Variants in SLC25A24 observed in about 807,000 individuals in gnomAD.
SLC25A24 encodes the protein mitochondrial adenyl nucleotide antiporter SLC25A24.
SLC25A24 carries 49 observed loss-of-function variants against 60.7 expected under a neutral mutation model. That is an observed-to-expected ratio of 0.81 (90% CI 0.64 to 1.02). SLC25A24 has a LOEUF of 1.02. Ranked by LOEUF, SLC25A24 falls within the 50% of genes least tolerant of loss-of-function variation. The pLI, the probability that SLC25A24 is intolerant of heterozygous loss-of-function variation, is 0.00. For missense variants in SLC25A24, 564 were observed against 586.3 expected (o/e 0.96, Z 0.39); for synonymous variants, 202 against 200.6 (o/e 1.01, Z -0.06).
In SLC25A24 at chr1:108,192,623, G is replaced by A. The variant is rs747780108; in HGVS notation, c.184-6669C>T. ...GAGATCTCCGTAGAGGGAGTCCATC[G>A]AGGATGTCTCCCTCGCAGCTCCGCG... On this transcript the variant is annotated intron_variant, in intron 1 of 9. Coordinates refer to ENST00000565488, the MANE Select transcript of SLC25A24 (RefSeq NM_013386.5). 3 of 1,494,744 alleles carry A rather than the reference G, an allele frequency of 2.0e-6. 1 individual carries two copies. Among genetic ancestry groups the A allele is most frequent in the Non-Finnish European group, 2.7e-6 (3 of 1,111,530 alleles). The allele number at this position is 1,494,744 out of a possible 1,614,324, so 92.6% of individuals were successfully genotyped here.
chr1:108,147,254 G>A (rs557970336), intron 7 of SLC25A24, among the ~76,000 whole-genome samples: 2 of 152,194 alleles, frequency 1.3e-5, no homozygotes, highest in African/African-American at 4.8e-5. Context: ...TGGGATTGGT[G>A]GTGATATCCC....
At chr1:108,158,625 T>C (rs546008670) in intron 4 of SLC25A24, among the ~76,000 whole-genome samples, 220 of 151,142 alleles carry the variant, frequency 1.5e-3, no homozygotes, top group African/African-American at 5.2e-3. Context: ...TTGTTACTAG[T>C]GGCAATGTGA....
At chr1:108,157,672 G>GATTATCTTCTCT in intron 4 of SLC25A24, 52 bp from the exon 5 acceptor site, 1 of 1,569,982 alleles carries the variant, frequency 6.4e-7, no homozygotes, top group Non-Finnish European at 8.7e-7. Context: ...AATAATCCCA[G>GATTATCTTCTCT]AAGACGTTTT....
At chr1:108,188,448 T>C (rs764681445) in intron 1 of SLC25A24, among the ~76,000 whole-genome samples, 12 of 152,332 alleles carry the variant, frequency 7.9e-5, no homozygotes, top group Non-Finnish European at 1.8e-4. Context: ...TAGTGTGTTA[T>C]AACTGCCTAC....
intron 6 of SLC25A24, among the ~76,000 whole-genome samples, chr1:108,152,146 A>G (rs146509534): frequency 6.6e-6 from 1 of 152,298 alleles, no homozygotes; most frequent in Non-Finnish European, 1.5e-5. Context: ...ATGCTACAAT[A>G]GCCCCTACCA....
intron 9 of SLC25A24, 86 bp downstream of exon 9, chr1:108,138,972 T>A: frequency 7.6e-7 from 1 of 1,308,036 alleles, no homozygotes; most frequent in Non-Finnish European, 1.0e-6. Flanking sequence ...AAAACTACAG[T>A]CTGCATCTTA....
chr1:108,198,970 G>T (rs897904709), intron 1 of SLC25A24: 1 of 152,196 alleles, frequency 6.6e-6, no homozygotes, highest in Non-Finnish European at 1.5e-5. Context: ...TGGCAAGATT[G>T]AAGGGGAGAA....
At chr1:108,160,698 A>G (rs1044378857) in intron 4 of SLC25A24, among the ~76,000 whole-genome samples, 3 of 152,192 alleles carry the variant, frequency 2.0e-5, no homozygotes, top group Non-Finnish European at 4.4e-5. Context: ...CTGCAATCCC[A>G]GCACCTCGGG....
In SLC25A24 at chr1:108,143,619, C is replaced by T. The variant is rs151069768; in HGVS notation, c.1022G>A (p.Gly341Glu). 99 of 1,613,546 alleles carry T rather than the reference C, an allele frequency of 6.1e-5. No individual in the cohort carries two copies. Among genetic ancestry groups the T allele is most frequent in the Non-Finnish European group, 7.5e-5 (89 of 1,179,698 alleles). The change falls in exon 8 of 10, where the codon GGA (glycine) becomes GAA (glutamate). Residue 341 changes from glycine (G) to glutamate (E), a missense_variant. Gly to Glu is a moderately conservative substitution (Grantham distance 98). Coordinates refer to ENST00000565488, the MANE Select transcript of SLC25A24 (RefSeq NM_013386.5). ...GGGAACATAGCCTTTGTAAAAAGCTCCCAAGCCTTCATGTTTCAAAATCTT... is the reference window on the plus strand; with the variant it reads ...GGGAACATAGCCTTTGTAAAAAGCTTCCAAGCCTTCATGTTTCAAAATCTT... ...AKKILKHEGL[G>E]AFYKGYVPNL...
intron 3 of SLC25A24, among the ~76,000 whole-genome samples, chr1:108,166,926 C>T (rs1420705662): frequency 6.6e-6 from 1 of 151,106 alleles, no homozygotes; most frequent in Admixed American, 6.6e-5. Context: ...GTGGTTTTAT[C>T]TACTTTTGGT....
chr1:108,137,655 T>A (rs1436503363), intron 9 of SLC25A24, among the ~76,000 whole-genome samples: 1 of 152,160 alleles, frequency 6.6e-6, no homozygotes, highest in Non-Finnish European at 1.5e-5. Context: ...AGACAATCTA[T>A]CAGCCGTATC....
At chr1:108,167,638 C>T (rs1164915126) in intron 3 of SLC25A24, among the ~76,000 whole-genome samples, 2 of 152,224 alleles carry the variant, frequency 1.3e-5, no homozygotes, top group Non-Finnish European at 2.9e-5. Flanking sequence ...CAATGCCTCG[C>T]CCTGCTTCGG....
intron 8 of SLC25A24, among the ~76,000 whole-genome samples, chr1:108,140,670 T>G (rs914541846): frequency 4.6e-5 from 7 of 152,030 alleles, no homozygotes; most frequent in Non-Finnish European, 7.4e-5. Flanking sequence ...AAATAGAGTT[T>G]TATATACCAC....
intron 5 of SLC25A24, among the ~76,000 whole-genome samples, chr1:108,155,510 AGAT>A (rs1041690957): frequency 1.3e-4 from 19 of 151,722 alleles, no homozygotes; most frequent in African/African-American, 4.6e-4. Flanking sequence ...AGTATACTGC[AGAT>A]AATAATATTA....
intron 3 of SLC25A24, among the ~76,000 whole-genome samples, chr1:108,174,491 G>A (rs181851493): frequency 3.2e-4 from 48 of 152,336 alleles, no homozygotes; most frequent in Non-Finnish European, 3.4e-4. Context: ...GAGCCCTTGA[G>A]GAGAACCTCC....
chr1:108,171,756 G>C (rs1647469908), intron 3 of SLC25A24, among the ~76,000 whole-genome samples: 1 of 152,144 alleles, frequency 6.6e-6, no homozygotes, highest in Non-Finnish European at 1.5e-5. Context: ...GCATTTGCCA[G>C]GCATTGTTCT....
chr1:108,197,184 T>C (rs1344396750), intron 1 of SLC25A24, among the ~76,000 whole-genome samples: 3 of 152,224 alleles, frequency 2.0e-5, no homozygotes, highest in Non-Finnish European at 4.4e-5. Context: ...TTCTCTTCCC[T>C]GGATAATTCT....
chr1:108,192,512 G>A lies in SLC25A24; in HGVS notation c.184-6558C>T, dbSNP rs190180555. ...GAGACCCACCTTCGCTTCCTCTAGA[G>A]ATTGAATGGCCCCTACATCCTCCAG... is the stretch of plus-strand genomic sequence containing the variant. On this transcript the variant is annotated intron_variant, in intron 1 of 9. Transcript: ENST00000565488. 76 of 1,495,542 alleles carry A rather than the reference G, an allele frequency of 5.1e-5. 11 individuals carry two copies. The Admixed American group carries it at 1.1e-3, about 22-fold the overall frequency. The allele number at this position is 1,495,542 out of a possible 1,614,324, so 92.6% of individuals were successfully genotyped here. A position where few individuals can be genotyped will look rare whatever the true frequency, so the allele number is the denominator to read the frequency against.
rs573458894 is a variant in SLC25A24, at chr1:108,191,505, A to G, written c.184-5551T>C. ...AAATCCAGATAAGCTTTGCAGAAAT[A>G]ACATTTTGGACTGAATTGGTCCACA... is the stretch of plus-strand genomic sequence containing the variant. On this transcript the variant is annotated intron_variant, in intron 1 of 9. Transcript: ENST00000565488. Among the ~76,000 whole-genome samples the G allele has an allele frequency of 1.3e-3, 180 of 140,376 alleles. 17 individuals are homozygous for G. Among genetic ancestry groups the G allele is most frequent in the African/African-American group, 4.0e-3 (162 of 40,400 alleles). 92.1% of individuals were successfully genotyped at this position (140,376 alleles called of 152,430 possible). A position where few individuals can be genotyped will look rare whatever the true frequency, so the allele number is the denominator to read the frequency against.
Sources: gnomAD v4.1 joint callset for allele counts (sites outside exome capture counted in the v4.1 genomes callset) on GRCh38, gnomAD v4.1.1 for gene constraint, MANE v1.5 for transcripts, NCBI Gene and HGNC (gene_info 2026-07-23, HGNC 2026-07-21) for gene names.